Variants in RBMS3 observed in about 807,000 individuals in gnomAD.
RBMS3 encodes the protein RNA-binding motif, single-stranded-interacting protein 3.
A neutral mutation model predicts 66.8 loss-of-function variants in RBMS3; 27 were observed. The ratio of observed to expected loss-of-function variants is 0.40; its 90% confidence interval spans 0.30 to 0.56. The LOEUF (loss-of-function observed/expected upper bound fraction) is 0.56, where lower values mean the gene tolerates loss of function less well. Among genes scored for constraint, RBMS3 ranks in the 20% least tolerant of loss-of-function variants. The pLI is 0.40. For missense variants in RBMS3, 513 were observed against 549.5 expected (o/e 0.93, Z 0.66); for synonymous variants, 188 against 183.0 (o/e 1.03, Z -0.22).
rs187689844 is a variant in RBMS3 at position 29,401,160 on chromosome 3, G to A, written c.76-33583G>A. Among the ~76,000 whole-genome samples the A allele has an allele frequency of 2.0e-5, 3 of 152,054 alleles. No individual in the cohort carries two copies. In the East Asian group the frequency reaches 5.8e-4, roughly 29 times the overall value. On this transcript the variant is annotated intron_variant, in intron 1 of 14. Coordinates refer to ENST00000383767, the MANE Select transcript of RBMS3 (RefSeq NM_001003793.3). ...ATCGATTGAGGCTTCAATCCAGTTC[G>A]CTAGGAGTTGTCCCATTTTCTCCCA...
At chr3:29,549,244 G>A (rs889503278) in intron 3 of RBMS3, among the ~76,000 whole-genome samples, 2 of 151,694 alleles carry the variant, frequency 1.3e-5, no homozygotes, top group African/African-American at 2.4e-5. Flanking sequence ...ATCTGGAATT[G>A]TACTGGTGGC....
At chr3:29,487,672 T>G (rs2043373832) in intron 2 of RBMS3, among the ~76,000 whole-genome samples, 1 of 152,112 alleles carries the variant, frequency 6.6e-6, no homozygotes, top group Non-Finnish European at 1.5e-5. Flanking sequence ...GCACGTTAGG[T>G]AAACCCCATT....
intron 10 of RBMS3, among the ~76,000 whole-genome samples, chr3:29,900,958 G>C (rs1166504991): frequency 6.6e-6 from 1 of 151,492 alleles, no homozygotes; most frequent in African/African-American, 2.4e-5. Flanking sequence ...ATCTGAGCAG[G>C]GTCCATTTTA....
chr3:29,408,638 T>C (rs1399249884), intron 1 of RBMS3, among the ~76,000 whole-genome samples: 1 of 152,204 alleles, frequency 6.6e-6, no homozygotes, highest in African/African-American at 2.4e-5. Flanking sequence ...ATACACTTTT[T>C]TTATATATAT....
intron 4 of RBMS3, among the ~76,000 whole-genome samples, chr3:29,643,822 C>T: frequency 6.6e-6 from 1 of 152,074 alleles, no homozygotes; most frequent in East Asian, 1.9e-4. Context: ...TTGATCTCGT[C>T]TCATTTCTGT....
chr3:29,441,829 A>G (rs2041632222), intron 2 of RBMS3, among the ~76,000 whole-genome samples: 1 of 152,170 alleles, frequency 6.6e-6, no homozygotes, highest in African/African-American at 2.4e-5. Context: ...AAATCGGAAA[A>G]CATAATTTAA....
intron 6 of RBMS3, among the ~76,000 whole-genome samples, chr3:29,820,377 A>C (rs1012963929): frequency 1.3e-5 from 2 of 151,842 alleles, no homozygotes; most frequent in Non-Finnish European, 2.9e-5. Context: ...TTTCTATTAG[A>C]GGATTGATAG....
chr3:29,514,665 A>ATATG (rs1553614290), intron 3 of RBMS3, among the ~76,000 whole-genome samples: 6 of 143,812 alleles, frequency 4.2e-5, no homozygotes, highest in African/African-American at 1.6e-4. Flanking sequence ...ATATATATAT[A>ATATG]TATATATATA....
intron 12 of RBMS3, among the ~76,000 whole-genome samples, chr3:29,947,140 T>C (rs560675242): frequency 1.3e-5 from 2 of 151,560 alleles, no homozygotes; most frequent in Non-Finnish European, 1.5e-5. Context: ...AACTACAATG[T>C]AGTTAGCAAA....
At chr3:29,497,226 G>T (rs946558117) in intron 3 of RBMS3, among the ~76,000 whole-genome samples, 3 of 152,022 alleles carry the variant, frequency 2.0e-5, no homozygotes, top group African/African-American at 4.8e-5. Context: ...AGCCAGGATG[G>T]TGTTGATGTC....
chr3:29,396,522 C>A (rs2039558595), intron 1 of RBMS3, among the ~76,000 whole-genome samples: 1 of 152,110 alleles, frequency 6.6e-6, no homozygotes, highest in Non-Finnish European at 1.5e-5. Context: ...CGTGAATATC[C>A]TTATTCCTGG....
intron 4 of RBMS3, among the ~76,000 whole-genome samples, chr3:29,651,095 A>G (rs2050129202): frequency 6.6e-6 from 1 of 152,192 alleles, no homozygotes; most frequent in Non-Finnish European, 1.5e-5. Context: ...AAGCTGTCAC[A>G]TGAAAGACTA....
chr3:29,696,158 C>G (rs1253629810), intron 4 of RBMS3, among the ~76,000 whole-genome samples: 26 of 152,186 alleles, frequency 1.7e-4, no homozygotes, highest in Non-Finnish European at 1.3e-4. Context: ...TCACAGGCAT[C>G]CAATTCAAGC....
At chr3:29,496,502 C>T (rs532799388) in intron 3 of RBMS3, among the ~76,000 whole-genome samples, 11 of 152,232 alleles carry the variant, frequency 7.2e-5, no homozygotes, top group South Asian at 6.2e-4. Context: ...GTACATTTTA[C>T]GTAGAATTTT....
chr3:29,704,947 A>T (rs560365849), intron 4 of RBMS3, among the ~76,000 whole-genome samples: 1 of 152,340 alleles, frequency 6.6e-6, no homozygotes, highest in South Asian at 2.1e-4. Flanking sequence ...CAAATTCATA[A>T]TGTTGTCAAG....
intron 4 of RBMS3, among the ~76,000 whole-genome samples, chr3:29,600,251 A>T (rs527567305): frequency 6.6e-6 from 1 of 152,124 alleles, no homozygotes; most frequent in South Asian, 2.1e-4. Flanking sequence ...CTGAAATTCG[A>T]TCCCCGTGTT....
intron 6 of RBMS3, among the ~76,000 whole-genome samples, chr3:29,837,866 C>G (rs973636209): frequency 6.6e-6 from 1 of 150,948 alleles, no homozygotes; most frequent in Non-Finnish European, 1.5e-5. Context: ...GTTATAAACA[C>G]AGAAAAATGC....
intron 12 of RBMS3, among the ~76,000 whole-genome samples, chr3:29,971,740 A>C (rs1207611370): frequency 6.6e-6 from 1 of 152,182 alleles, no homozygotes; most frequent in African/African-American, 2.4e-5. Flanking sequence ...TAAGAGCTTT[A>C]GCAGAGGTAC....
chr3:29,857,364 T>C (rs1461274707), intron 6 of RBMS3, among the ~76,000 whole-genome samples: 1 of 151,930 alleles, frequency 6.6e-6, no homozygotes, highest in East Asian at 1.9e-4. Flanking sequence ...TTCCTCCCTA[T>C]CTACCCCCAC....
Sources: allele counts gnomAD v4.1 joint callset (sites outside exome capture counted in the v4.1 genomes callset), GRCh38; gene constraint gnomAD v4.1.1; transcripts MANE v1.5; gene names NCBI Gene and HGNC (gene_info 2026-07-23, HGNC 2026-07-21).